ENAH: variants seen among roughly 807,000 people sequenced by gnomAD.
ENAH encodes protein enabled homolog.
In ENAH, 23 loss-of-function variants were observed where a neutral mutation model predicts 78.7. The ratio of observed to expected loss-of-function variants is 0.29; its 90% CI spans 0.21 to 0.41. ENAH has a LOEUF of 0.41. Among genes scored for constraint, ENAH ranks in the 10% least tolerant of loss-of-function variants. The pLI is 1.00. For missense variants in ENAH, 544 were observed against 691.0 expected, an observed-to-expected ratio of 0.79 and a Z score of 2.39; for synonymous variants, 226 against 241.0, an observed-to-expected ratio of 0.94 and a Z score of 0.58.
In ENAH at chr1:225,519,517, C is replaced by T. The variant is rs1415618613; in HGVS notation, c.483G>A (p.Leu161=). ...QRQKELERER[L]ERERMERERL... ...TTTCTCTTTCCATTCTTTCTCGCTC[C>T]AGCCTTTCCCGCTCCAGCTCCTTTT... Residue 161 remains leucine (L), a synonymous_variant, in exon 5 of 14, where the codon CTG becomes CTA. Coordinates refer to ENST00000366843, the MANE Select transcript of ENAH (RefSeq NM_018212.6). 1 of 1,612,178 alleles carries T rather than the reference C, an allele frequency of 6.2e-7. No homozygotes were observed. Among genetic ancestry groups the T allele is most frequent in the Non-Finnish European group, 8.5e-7 (1 of 1,179,632 alleles).
At chr1:225,621,907 C>G (rs1657046739) in intron 1 of ENAH, among the ~76,000 whole-genome samples, 2 of 152,204 alleles carry the variant, frequency 1.3e-5, no homozygotes, top group South Asian at 4.1e-4. Flanking sequence ...GGGGAGACCA[C>G]TGAGAACTCC....
intron 1 of ENAH, among the ~76,000 whole-genome samples, chr1:225,616,026 T>C (rs951365272): frequency 6.6e-6 from 1 of 152,202 alleles, no homozygotes; most frequent in African/African-American, 2.4e-5. Context: ...TCTATAACCT[T>C]ACCCCCAACC....
chr1:225,580,452 T>C (rs1558850396), intron 1 of ENAH, among the ~76,000 whole-genome samples: 1 of 152,172 alleles, frequency 6.6e-6, no homozygotes, highest in Admixed American at 6.5e-5. Context: ...ACTGCATTTA[T>C]GAAAGACCCT....
chr1:225,556,578 G>C (rs1183861562), intron 2 of ENAH, among the ~76,000 whole-genome samples: 1 of 151,918 alleles, frequency 6.6e-6, no homozygotes, highest in Admixed American at 6.6e-5. Context: ...ATATATTCTA[G>C]ATATGATATC....
At position 225,641,158 on chromosome 1, in the gene ENAH, C is replaced by T. The variant is rs571509391; in HGVS notation, c.5+11528G>A. Reference sequence around the variant, plus strand: ...GATTACAGGCATGAGCCACCGCGCCCGGCCAAATACAAGTACACACATTTT... The same window carrying T: ...GATTACAGGCATGAGCCACCGCGCCTGGCCAAATACAAGTACACACATTTT... On this transcript the variant is annotated intron_variant, in intron 1 of 13. Transcript: ENST00000366843. 4.6e-5 allele frequency among the ~76,000 whole-genome samples: 7 copies of T among 151,282 alleles called. No individual in the cohort carries two copies. In the East Asian group the frequency reaches 9.7e-4, roughly 21 times the overall value.
chr1:225,583,453 AGAG>A (rs1272941973), intron 1 of ENAH, among the ~76,000 whole-genome samples: 2 of 127,908 alleles, frequency 1.6e-5, no homozygotes, highest in African/African-American at 2.8e-5. Context: ...AAAAAAAAAA[AGAG>A]AGAGAGAATT....
At chr1:225,550,183 T>G (rs2096634674) in intron 3 of ENAH, among the ~76,000 whole-genome samples, 3 of 152,218 alleles carry the variant, frequency 2.0e-5, no homozygotes. Context: ...GAATGTTCTA[T>G]CACTGATGAG....
At chr1:225,531,858 T>C (rs1558767250) in intron 3 of ENAH, among the ~76,000 whole-genome samples, 1 of 152,092 alleles carries the variant, frequency 6.6e-6, no homozygotes, top group Non-Finnish European at 1.5e-5. Flanking sequence ...TGAACTTACC[T>C]ACTAACTTTT....
At position 225,488,412 on chromosome 1, in the gene ENAH, G is replaced by C. The variant is rs1047162066; in HGVS notation, c.*9363C>G. The C allele has an allele frequency of 2.0e-5, 3 of 152,112 alleles. No individual in the cohort carries two copies. The highest frequency in any genetic ancestry group is 6.5e-5 in the Admixed American group (1 of 15,268). The allele number at this position is 152,112 out of a possible 1,614,324, so 9.4% of individuals were successfully genotyped here. ...TTCACTCTGCCTGAAGTTGTGCTCT[G>C]CTCACAGCACGAGTGTGGCTGTCCC... On this transcript the variant is annotated 3_prime_UTR_variant, in exon 14 of 14. Coordinates refer to ENST00000366843, the MANE Select transcript of ENAH (RefSeq NM_018212.6).
chr1:225,635,736 A>G (rs1208118499), intron 1 of ENAH, among the ~76,000 whole-genome samples: 1 of 152,222 alleles, frequency 6.6e-6, no homozygotes, highest in Non-Finnish European at 1.5e-5. Context: ...CCTTAATCCA[A>G]TATGGCTGGT....
chr1:225,588,464 C>T (rs1421206539), intron 1 of ENAH, among the ~76,000 whole-genome samples: 1 of 152,138 alleles, frequency 6.6e-6, no homozygotes, highest in African/African-American at 2.4e-5. Context: ...TGGTTTAACC[C>T]TAACTCCCAC....
intron 4 of ENAH, among the ~76,000 whole-genome samples, chr1:225,529,523 T>C (rs923742785): frequency 3.9e-5 from 6 of 152,184 alleles, no homozygotes; most frequent in Non-Finnish European, 8.8e-5. Flanking sequence ...CCTTACTCTG[T>C]TGCATTTTTC....
chr1:225,652,500 G>T, intron 1 of ENAH, 186 bp downstream of exon 1: 1 of 861,972 alleles, frequency 1.2e-6, no homozygotes, highest in Non-Finnish European at 1.4e-6. Flanking sequence ...AAACCACACG[G>T]GTTGGGGAGG....
At chr1:225,530,783 C>T in intron 3 of ENAH, 145 bp from the exon 4 acceptor site, 2 of 632,206 alleles carry the variant, frequency 3.2e-6, no homozygotes, top group South Asian at 2.3e-5. Flanking sequence ...ATAAGCTTTA[C>T]ATAACACAGA....
chr1:225,555,806 T>C (rs1464134729), intron 2 of ENAH, among the ~76,000 whole-genome samples: 1 of 152,168 alleles, frequency 6.6e-6, no homozygotes, highest in Non-Finnish European at 1.5e-5. Context: ...CTAGCCACAC[T>C]TCTAACATCA....
chr1:225,635,610 A>G (rs1453970988), intron 1 of ENAH, among the ~76,000 whole-genome samples: 4 of 152,230 alleles, frequency 2.6e-5, no homozygotes, highest in African/African-American at 9.6e-5. Flanking sequence ...AAACTCAGGC[A>G]AGAAGTTGAT....
Position 225,592,748 on chromosome 1 carries a change from T to A in ENAH, c.6-25334A>T, listed in dbSNP as rs548511170. On this transcript the variant is annotated intron_variant, in intron 1 of 13. Coordinates refer to ENST00000366843, the MANE Select transcript of ENAH (RefSeq NM_018212.6). ...TGAGGAAAGCCTGGTTTTACTATTA[T>A]CCTAAGGAAACCCTTAATTTTCCAA... Among the ~76,000 whole-genome samples, 3 of 152,314 alleles carry A rather than the reference T, an allele frequency of 2.0e-5. No individual in the cohort carries two copies. In the South Asian group the frequency reaches 6.2e-4, roughly 32 times the overall value.
rs758963998 is a variant in ENAH, at chr1:225,601,410, T to C, written c.6-33996A>G. ...GCGGACGCATGTAGTCCCAGCTACT[T>C]GGGAGGCTGAGGCAAGAGAATGGCG... is the stretch of plus-strand genomic sequence containing the variant. On this transcript the variant is annotated intron_variant, in intron 1 of 13. Transcript: ENST00000366843. Among the ~76,000 whole-genome samples the C allele has an allele frequency of 2.7e-4, 41 of 151,470 alleles. No homozygotes were observed. In the East Asian group the frequency reaches 3.7e-3, roughly 14 times the overall value.
intron 3 of ENAH, among the ~76,000 whole-genome samples, chr1:225,553,730 T>C (rs1034793200): frequency 2.6e-5 from 4 of 152,330 alleles, no homozygotes; most frequent in Non-Finnish European, 2.9e-5. Flanking sequence ...TACAAGACTA[T>C]ACAGACTTTC....
Sources: gnomAD v4.1 joint callset for allele counts (sites outside exome capture counted in the v4.1 genomes callset) on GRCh38, gnomAD v4.1.1 for gene constraint, MANE v1.5 for transcripts, NCBI Gene and HGNC (gene_info 2026-07-23, HGNC 2026-07-21) for gene names.